PTPN3: variants seen among roughly 807,000 people sequenced by gnomAD.
The protein encoded by PTPN3 is tyrosine-protein phosphatase non-receptor type 3.
A neutral mutation model predicts 132.7 loss-of-function variants in PTPN3; 96 were observed. That is an observed-to-expected ratio of 0.72 (90% CI 0.61 to 0.86). PTPN3 has a LOEUF of 0.86. Ranked by LOEUF, PTPN3 falls within the 40% of genes least tolerant of loss-of-function variation. The probability of loss-of-function intolerance (pLI) is 0.00; values close to 1 mark genes in which losing one functional copy is unlikely to be tolerated. For missense variants in PTPN3, 1,125 were observed against 1,159.6 expected (o/e 0.97, Z 0.43); for synonymous variants, 398 against 429.0 (o/e 0.93, Z 0.89).
At chr9:109,468,649 A>T (rs1250419827) in intron 1 of PTPN3, among the ~76,000 whole-genome samples, 1 of 152,136 alleles carries the variant, frequency 6.6e-6, no homozygotes, top group African/African-American at 2.4e-5. Context: ...TACAGGCGTG[A>T]GCCACCGCGC....
intron 22 of PTPN3, among the ~76,000 whole-genome samples, 175 bp from the exon 23 acceptor site, chr9:109,383,726 C>G (rs1017371043): frequency 2.6e-5 from 4 of 152,170 alleles, no homozygotes; most frequent in Non-Finnish European, 5.9e-5. Context: ...GTGGGGGCAG[C>G]CTGCCAGGGA....
the PTPN3 span, among the ~76,000 whole-genome samples, chr9:109,521,028 T>C: frequency 6.6e-6 from 1 of 152,106 alleles, no homozygotes; most frequent in Non-Finnish European, 1.5e-5. Flanking sequence ...CTCTGCCCTG[T>C]AGGAGAGTGT....
chr9:109,393,824 G>A (rs1378621647), intron 19 of PTPN3, among the ~76,000 whole-genome samples: 2 of 152,124 alleles, frequency 1.3e-5, no homozygotes, highest in Admixed American at 1.3e-4. Flanking sequence ...TTTGTAAACT[G>A]GCTTCTGTTA....
intron 22 of PTPN3, among the ~76,000 whole-genome samples, chr9:109,385,019 TG>T (rs1208924462): frequency 6.6e-6 from 1 of 152,210 alleles, no homozygotes; most frequent in Admixed American, 6.5e-5. Context: ...GATAAATCCC[TG>T]TCCTGTAGGC....
chr9:109,429,960 A>G (rs906712246), intron 10 of PTPN3, among the ~76,000 whole-genome samples: 7 of 152,230 alleles, frequency 4.6e-5, no homozygotes, highest in Admixed American at 3.3e-4. Context: ...TATTCATGGG[A>G]CATCCCCCAG....
rs1845058047 is a variant in PTPN3 at position 109,449,043 on chromosome 9, A to AT, written c.369-189dup. The stretch of plus-strand genomic sequence containing the variant: ...GCTGCCCTGTCATTACTGATGGCTC[A>AT]TGTTGATGCCCTACGTCTTGACTGG... On this transcript the variant is annotated intron_variant, in intron 5 of 25. Coordinates refer to ENST00000374541, the MANE Select transcript of PTPN3 (RefSeq NM_002829.4). 4.0e-5 allele frequency: 57 copies of AT among 1,409,966 alleles called. 1 individual carries two copies. The South Asian group carries it at 9.0e-4, about 22-fold the overall frequency. 87.3% of individuals were successfully genotyped at this position (1,409,966 alleles called of 1,614,324 possible). A position where few individuals can be genotyped will look rare whatever the true frequency, so the allele number is the denominator to read the frequency against.
intron 1 of PTPN3, among the ~76,000 whole-genome samples, chr9:109,475,799 A>AT (rs1388104316): frequency 6.6e-6 from 1 of 152,186 alleles, no homozygotes; most frequent in Non-Finnish European, 1.5e-5. Context: ...ATCACAGTGC[A>AT]TACCAGCCAA....
intron 9 of PTPN3, among the ~76,000 whole-genome samples, chr9:109,434,569 A>G (rs1357615039): frequency 6.6e-6 from 1 of 152,180 alleles, no homozygotes; most frequent in Non-Finnish European, 1.5e-5. Context: ...CGGCCTCCCA[A>G]AGTGCTGGGG....
rs79793462 is a variant in PTPN3 at position 109,467,676 on chromosome 9, A to G, written c.-17-4225T>C. Among the ~76,000 whole-genome samples, 613 of 152,368 alleles carry G rather than the reference A, an allele frequency of 4.0e-3. 6 individuals carry two copies. Among genetic ancestry groups the G allele is most frequent in the African/African-American group, 0.014 (602 of 41,586 alleles). On this transcript the variant is annotated intron_variant, in intron 1 of 25. Transcript: ENST00000374541. ...GATTTGAAACAGGTGCCTCCAAATGAAAGTCACATGGGCTGATGCTCCAAT... is the reference window on the plus strand; with the variant it reads ...GATTTGAAACAGGTGCCTCCAAATGGAAGTCACATGGGCTGATGCTCCAAT...
At chr9:109,468,782 A>G (rs1353100007) in intron 1 of PTPN3, among the ~76,000 whole-genome samples, 1 of 152,256 alleles carries the variant, frequency 6.6e-6, no homozygotes, top group African/African-American at 2.4e-5. Flanking sequence ...GCACATGGAA[A>G]GTGCCTAGCA....
intron 18 of PTPN3, among the ~76,000 whole-genome samples, chr9:109,405,518 T>C (rs1564399354): frequency 6.6e-6 from 1 of 152,200 alleles, no homozygotes; most frequent in Non-Finnish European, 1.5e-5. Context: ...AGTGTGATGC[T>C]CAGTAGAGGC....
At chr9:109,405,774 T>A (rs1841511110) in intron 18 of PTPN3, among the ~76,000 whole-genome samples, 1 of 152,220 alleles carries the variant, frequency 6.6e-6, no homozygotes, top group African/African-American at 2.4e-5. Context: ...TTAGCAGAGA[T>A]GAGGTTTTAC....
chr9:109,455,097 T>C (rs1459365142), intron 4 of PTPN3, among the ~76,000 whole-genome samples: 1 of 152,128 alleles, frequency 6.6e-6, no homozygotes, highest in Admixed American at 6.5e-5. Context: ...AGAATTAGAG[T>C]AATGAGATCT....
chr9:109,392,574 C>CA (rs1161278251), intron 19 of PTPN3: 1 of 151,960 alleles, frequency 6.6e-6, no homozygotes, highest in East Asian at 1.9e-4. Context: ...TTTTTAAAAG[C>CA]AAAAAATGAG....
At chr9:109,390,070 C>T (rs1443996492) in intron 21 of PTPN3, among the ~76,000 whole-genome samples, 2 of 152,188 alleles carry the variant, frequency 1.3e-5, no homozygotes, top group Admixed American at 6.5e-5. Flanking sequence ...CATGGTTCGG[C>T]TGGTGCTTGG....
chr9:109,419,591 A>G (rs575638888), intron 14 of PTPN3, among the ~76,000 whole-genome samples: 1 of 152,298 alleles, frequency 6.6e-6, no homozygotes, highest in South Asian at 2.1e-4. Context: ...CAAAACGTAC[A>G]GATATGTAAC....
chr9:109,414,146 C>T (rs1031762608), intron 14 of PTPN3, among the ~76,000 whole-genome samples: 8 of 152,156 alleles, frequency 5.3e-5, no homozygotes, highest in East Asian at 1.9e-4. Flanking sequence ...GAGGATCACC[C>T]GAGGTGATTG....
At chr9:109,434,803 G>T (rs1404783628) in intron 9 of PTPN3, among the ~76,000 whole-genome samples, 2 of 152,182 alleles carry the variant, frequency 1.3e-5, no homozygotes, top group Non-Finnish European at 2.9e-5. Flanking sequence ...CCTAGAAGGG[G>T]GCTTGGCATA....
At chr9:109,412,666 C>T (rs1042054468) in intron 14 of PTPN3, among the ~76,000 whole-genome samples, 9 of 152,202 alleles carry the variant, frequency 5.9e-5, no homozygotes, top group Admixed American at 1.3e-4. Context: ...AGCCACCATG[C>T]CCAGCCTTTT....
Sources: allele counts gnomAD v4.1 joint callset (sites outside exome capture counted in the v4.1 genomes callset), GRCh38; gene constraint gnomAD v4.1.1; transcripts MANE v1.5; gene names NCBI Gene and HGNC (gene_info 2026-07-23, HGNC 2026-07-21).